The following UBE2K variants were observed in gnomAD, a reference collection of about 807,000 sequenced individuals.
The protein encoded by UBE2K is ubiquitin-conjugating enzyme E2 K.
A neutral mutation model predicts 30.0 loss-of-function variants in UBE2K; 6 were observed. The ratio of observed to expected loss-of-function variants is 0.20; its 90% CI spans 0.11 to 0.39. UBE2K has a LOEUF of 0.39. Ranked by LOEUF, UBE2K falls within the 10% of genes least tolerant of loss-of-function variation. The pLI is 1.00. For synonymous variants in UBE2K, 86 were observed against 83.7 expected, an observed-to-expected ratio of 1.03 and a Z score of -0.15; for missense variants, 61 against 241.6, an observed-to-expected ratio of 0.25 and a Z score of 4.96.
At chr4:39,771,643 G>A (rs1339657898) in intron 4 of UBE2K, among the ~76,000 whole-genome samples, 1 of 152,100 alleles carries the variant, frequency 6.6e-6, no homozygotes, top group Non-Finnish European at 1.5e-5. Context: ...GGGCGGGAGC[G>A]GCTCGTGCGG....
intron 1 of UBE2K, among the ~76,000 whole-genome samples, chr4:39,726,368 T>C (rs1330343457): frequency 6.6e-6 from 1 of 152,132 alleles, no homozygotes; most frequent in East Asian, 1.9e-4. Context: ...ATAATAGATA[T>C]CATCACCCAG....
intron 4 of UBE2K, among the ~76,000 whole-genome samples, chr4:39,774,162 G>T (rs890550654): frequency 6.6e-6 from 1 of 151,736 alleles, no homozygotes; most frequent in African/African-American, 2.4e-5. Context: ...AAAAATGCTG[G>T]GTGTGGTGGT....
chr4:39,755,648 A>G lies in UBE2K; in HGVS notation c.217-9A>G. The G allele has an allele frequency of 6.2e-7, 1 of 1,600,422 alleles. No individual in the cohort carries two copies. The highest frequency in any genetic ancestry group is 2.3e-5 in the East Asian group (1 of 44,384). Reference sequence around the variant, plus strand: ...TTACTGAAAAACTCAAGTGTGCTTTATATTCTAGGTCCGGTTTATCACTAA... The same window carrying G: ...TTACTGAAAAACTCAAGTGTGCTTTGTATTCTAGGTCCGGTTTATCACTAA... On this transcript the variant is annotated splice_polypyrimidine_tract_variant and intron_variant, in intron 3 of 6. Transcript: ENST00000261427.
chr4:39,707,490 G>C (rs934071358), intron 1 of UBE2K, among the ~76,000 whole-genome samples: 1 of 148,804 alleles, frequency 6.7e-6, no homozygotes, highest in Non-Finnish European at 1.5e-5. Flanking sequence ...ATGAGCCGTC[G>C]TGCCTGGCCT....
At chr4:39,714,336 G>T in intron 1 of UBE2K, 1 of 190,790 alleles carries the variant, frequency 5.2e-6, no homozygotes, top group South Asian at 1.2e-4. Context: ...CACTTGGGAA[G>T]ACCAAGCCCT....
chr4:39,743,452 A>G (rs894646431), intron 2 of UBE2K, among the ~76,000 whole-genome samples: 11 of 152,142 alleles, frequency 7.2e-5, no homozygotes, highest in African/African-American at 2.7e-4. Context: ...AAATACAAAA[A>G]AATTAGTCGG....
At chr4:39,773,887 C>G (rs969699368) in intron 4 of UBE2K, among the ~76,000 whole-genome samples, 28 of 152,170 alleles carry the variant, frequency 1.8e-4, no homozygotes, top group South Asian at 2.1e-4. Flanking sequence ...CGCCACTGCA[C>G]TCCAGCCTGG....
intron 6 of UBE2K, among the ~76,000 whole-genome samples, chr4:39,778,049 A>G (rs1237751075): frequency 7.4e-6 from 1 of 135,272 alleles, no homozygotes; most frequent in Non-Finnish European, 1.6e-5. Flanking sequence ...AGTGAGCGAT[A>G]GTCATGCCAC....
chr4:39,772,048 GCTGGTCTCAAACTC>G (rs1474113837), intron 4 of UBE2K, among the ~76,000 whole-genome samples: 1 of 152,112 alleles, frequency 6.6e-6, no homozygotes, highest in Non-Finnish European at 1.5e-5. Context: ...TGTTGCCCAG[GCTGGTCTCAAACTC>G]CTGGCCTCAA....
At chr4:39,707,712 G>T (rs1024326293) in intron 1 of UBE2K, among the ~76,000 whole-genome samples, 3 of 151,106 alleles carry the variant, frequency 2.0e-5, no homozygotes, top group African/African-American at 7.3e-5. Context: ...TAGAGATGGG[G>T]TCTCATTGTG....
chr4:39,760,806 CAAAT>C (rs906690508), intron 4 of UBE2K, among the ~76,000 whole-genome samples: 15 of 151,642 alleles, frequency 9.9e-5, no homozygotes, highest in Middle Eastern at 3.4e-3. Flanking sequence ...AAAATTAAAA[CAAAT>C]AAAAAAATAC....
chr4:39,714,929 G>A (rs908737109), intron 1 of UBE2K, among the ~76,000 whole-genome samples: 4 of 151,770 alleles, frequency 2.6e-5, no homozygotes, highest in East Asian at 1.9e-4. Flanking sequence ...ATGACTCTCT[G>A]CAGCCCGGAA....
chr4:39,769,023 G>A (rs963861398), intron 4 of UBE2K, among the ~76,000 whole-genome samples: 2 of 151,796 alleles, frequency 1.3e-5, no homozygotes, highest in African/African-American at 2.4e-5. Context: ...ATGGGGTTTC[G>A]CCATGTTGCC....
At chr4:39,775,275 C>T (rs752982562) in intron 5 of UBE2K, among the ~76,000 whole-genome samples, 1 of 152,188 alleles carries the variant, frequency 6.6e-6, no homozygotes, top group Admixed American at 6.5e-5. Context: ...GATGATCCCT[C>T]CCTGCTAATA....
intron 1 of UBE2K, among the ~76,000 whole-genome samples, chr4:39,728,115 C>G (rs946924310): frequency 6.6e-6 from 1 of 151,072 alleles, no homozygotes; most frequent in African/African-American, 2.4e-5. Context: ...GCCTGGGCGA[C>G]AGAGCAAGAC....
At chr4:39,774,788 C>CT in intron 4 of UBE2K, 46 bp from the exon 5 acceptor site, 1 of 1,248,960 alleles carries the variant, frequency 8.0e-7, no homozygotes, top group South Asian at 2.0e-5. Context: ...TTGCTTTTGC[C>CT]TGCAGAGCCC....
intron 5 of UBE2K, among the ~76,000 whole-genome samples, chr4:39,776,055 C>T (rs553011882): frequency 5.3e-5 from 8 of 152,166 alleles, no homozygotes; most frequent in Non-Finnish European, 1.2e-4. Flanking sequence ...GCCCTCTCTC[C>T]TAAGCACGAG....
chr4:39,738,165 T>C (rs536683960), intron 2 of UBE2K, among the ~76,000 whole-genome samples: 1 of 152,338 alleles, frequency 6.6e-6, no homozygotes, highest in East Asian at 1.9e-4. Context: ...ACTGTAAATT[T>C]AGATTATATA....
chr4:39,762,659 C>G (rs1267119831), intron 4 of UBE2K, among the ~76,000 whole-genome samples: 1 of 152,212 alleles, frequency 6.6e-6, no homozygotes, highest in Non-Finnish European at 1.5e-5. Context: ...TTGTTTGAGA[C>G]AGTCTCACAC....
Sources: gnomAD v4.1 joint callset for allele counts (sites outside exome capture counted in the v4.1 genomes callset) on GRCh38, gnomAD v4.1.1 for gene constraint, MANE v1.5 for transcripts, NCBI Gene and HGNC (gene_info 2026-07-23, HGNC 2026-07-21) for gene names.